The following FCHO1 variants were observed in gnomAD, a reference collection of about 807,000 sequenced individuals.
The protein encoded by FCHO1 is FCH and mu domain containing endocytic adaptor 1.
In FCHO1, 45 loss-of-function variants were observed where a neutral mutation model predicts 114.4. The ratio of observed to expected loss-of-function variants is 0.39; its 90% confidence interval spans 0.31 to 0.50. The LOEUF is 0.50. Among genes scored for constraint, FCHO1 ranks in the 20% least tolerant of loss-of-function variants. The pLI is 0.77. For synonymous variants in FCHO1, 480 were observed against 488.9 expected (o/e 0.98, Z 0.24); for missense variants, 1,042 against 1,209.6 (o/e 0.86, Z 2.06).
At chr19:17,769,627 ACAC>A (rs1568341743) in intron 7 of FCHO1, among the ~76,000 whole-genome samples, 4 of 130,438 alleles carry the variant, frequency 3.1e-5, no homozygotes, top group East Asian at 4.0e-4. Context: ...ACACACACAC[ACAC>A]ACAAAACGGT....
intron 26 of FCHO1, among the ~76,000 whole-genome samples, chr19:17,786,352 C>A (rs1230464118): frequency 7.5e-6 from 1 of 133,282 alleles, no homozygotes; most frequent in Non-Finnish European, 1.7e-5. Context: ...CACAAAAAAA[C>A]ACAAAACAAA....
chr19:17,787,367 C>T (rs942125984), intron 27 of FCHO1, among the ~76,000 whole-genome samples: 1 of 149,366 alleles, frequency 6.7e-6, no homozygotes, highest in Non-Finnish European at 1.5e-5. Context: ...CCTATGATTG[C>T]ACCACTATAC....
chr19:17,787,223 CAAAAAAAAAAAAAA>C (rs61302593), intron 27 of FCHO1, among the ~76,000 whole-genome samples: 2 of 39,826 alleles, frequency 5.0e-5, no homozygotes, highest in Non-Finnish European at 9.6e-5. Flanking sequence ...GACTCTGTCT[CAAAAAAAAAAAAAA>C]AAAAAAAAAA....
At chr19:17,752,850 T>C (rs1299163821) in intron 1 of FCHO1, among the ~76,000 whole-genome samples, 1 of 152,052 alleles carries the variant, frequency 6.6e-6, no homozygotes, top group Non-Finnish European at 1.5e-5. Flanking sequence ...CCATGAGCTG[T>C]GATCATGCCA....
In FCHO1 at chr19:17,776,389, T is replaced by C; in HGVS notation, c.1207+118T>C. ...GGCAGGCTGCTTAACCACACTGACC[T>C]TCAGTCTCCTTTTCTGTAAAATGAG... On this transcript the variant is annotated intron_variant, in intron 17 of 28. Transcript: ENST00000596536. The surrounding 1 kb of genome is among the most constrained non-coding windows in gnomAD (Gnocchi z 4.4). 2 of 1,292,216 alleles carry C rather than the reference T, an allele frequency of 1.5e-6. No individual in the cohort carries two copies. The highest frequency in any genetic ancestry group is 2.3e-6 in the Non-Finnish European group (2 of 888,026). The allele number at this position is 1,292,216 out of a possible 1,614,324, so 80.0% of individuals were successfully genotyped here. A position where few individuals can be genotyped will look rare whatever the true frequency, so the allele number is the denominator to read the frequency against.
rs1409523969 is a variant in FCHO1, at chr19:17,766,753, G to A, written c.279G>A (p.Gln93=). Residue 93 remains glutamine, a synonymous_variant, in exon 7 of 29, where the codon CAG becomes CAA. Transcript: ENST00000596536. ...ACCTGGAACTGACACGGAAGTTACA[G>A]GATCTCATCAAGGACGTTCTCCGCT... ...LCHLELTRKL[Q]DLIKDVLRYG... 3 of 1,614,028 alleles carry A rather than the reference G, an allele frequency of 1.9e-6. No individual in the cohort carries two copies. In the African/African-American group the frequency reaches 4.0e-5, roughly 22 times the overall value.
intron 4 of FCHO1, among the ~76,000 whole-genome samples, chr19:17,759,881 T>C (rs1327739927): frequency 6.6e-6 from 1 of 152,188 alleles, no homozygotes; most frequent in Non-Finnish European, 1.5e-5. Flanking sequence ...TCTATTCATA[T>C]TGTTTATTAT....
chr19:17,763,563 CTT>C (rs71162195), intron 5 of FCHO1, among the ~76,000 whole-genome samples: 41 of 113,528 alleles, frequency 3.6e-4, no homozygotes, highest in Admixed American at 1.9e-3. Context: ...TGCACTCTGC[CTT>C]TTTTTTTTTT....
chr19:17,785,208 A>G (rs2093765213), intron 26 of FCHO1, among the ~76,000 whole-genome samples: 1 of 151,994 alleles, frequency 6.6e-6, no homozygotes, highest in Non-Finnish European at 1.5e-5. Flanking sequence ...TATTTTGTTT[A>G]TTTATTTATT....
At chr19:17,762,609 G>A in intron 4 of FCHO1, 153 bp from the exon 5 acceptor site, 1 of 710,986 alleles carries the variant, frequency 1.4e-6, no homozygotes, top group Non-Finnish European at 2.6e-6. Context: ...AATCCCTATG[G>A]CCCAGGGGAA....
intron 13 of FCHO1, 105 bp downstream of exon 13, chr19:17,774,583 TATTCC>T (rs2147086574): frequency 1.2e-6 from 1 of 868,814 alleles, no homozygotes; most frequent in Admixed American, 2.5e-5. Context: ...GGAGTATCCA[TATTCC>T]AGGCTGGACC....
chr19:17,755,825 A>G (rs2083293469), intron 4 of FCHO1, among the ~76,000 whole-genome samples: 1 of 152,176 alleles, frequency 6.6e-6, no homozygotes, highest in Non-Finnish European at 1.5e-5. Context: ...AGACACCTTC[A>G]GCCCTGCAGG....
At chr19:17,781,678 C>A (rs1030327375) in intron 22 of FCHO1, 34 bp from the exon 23 acceptor site, 2 of 1,556,954 alleles carry the variant, frequency 1.3e-6, no homozygotes, top group East Asian at 4.5e-5. Flanking sequence ...CACTGTCTAT[C>A]CGTTGTTCCC....
rs146725286 is a variant in FCHO1 at position 17,757,330 on chromosome 19, C to G, written c.27+2139C>G. On this transcript the variant is annotated intron_variant, in intron 4 of 28. Transcript: ENST00000596536. ...CCCAGTCCAAGAGAGGCAGACGCTG[C>G]TGGGGGTTTGCCAGGTCTGGGAAAC... Among the ~76,000 whole-genome samples, 811 of 152,238 alleles carry G rather than the reference C, an allele frequency of 5.3e-3. 9 individuals are homozygous for G. Among genetic ancestry groups the G allele is most frequent in the African/African-American group, 0.019 (787 of 41,542 alleles).
At chr19:17,751,458 TC>T (rs35089198), upstream of FCHO1, 69,773 of 150,234 alleles carry the variant, frequency 0.46, 16,839 homozygotes, top group African/African-American at 0.52. The surrounding 1 kb of genome is among the most constrained non-coding windows in gnomAD (Gnocchi z 4.4). Flanking sequence ...GAGCTTCCTG[TC>T]CCCCCCCCAA....
chr19:17,783,060 G>A lies in FCHO1; in HGVS notation c.1981G>A (p.Ala661Thr). 6.2e-7 allele frequency: 1 copy of A among 1,614,140 alleles called. No homozygotes were observed. Among genetic ancestry groups the A allele is most frequent in the Non-Finnish European group, 8.5e-7 (1 of 1,180,016 alleles). ...VTGELTMTFP[A>T]GIVRVFSGTP... ...TGGGGAGCTGACCATGACCTTCCCT[G>A]CTGGCATCGTGCGTGTGTTCAGCGG... Residue 661 changes from alanine (A) to threonine (T), a missense_variant, in exon 24 of 29, where the codon GCT becomes ACT. Coordinates refer to ENST00000596536, the MANE Select transcript of FCHO1 (RefSeq NM_015122.3).
intron 4 of FCHO1, among the ~76,000 whole-genome samples, chr19:17,762,262 G>A (rs2086586725): frequency 6.6e-6 from 1 of 151,586 alleles, no homozygotes; most frequent in Admixed American, 6.6e-5. Flanking sequence ...TTGGGATTAC[G>A]GGCGTGAGCC....
Position 17,778,977 on chromosome 19 carries a change from G to C in FCHO1, c.1627+93G>C, listed in dbSNP as rs7255297. ...GGCAGGGCCTGATCAGGCTGCTGGAGACACAGCCAGGACCAGGCAGGCAGA... is the reference window on the plus strand; with the variant it reads ...GGCAGGGCCTGATCAGGCTGCTGGACACACAGCCAGGACCAGGCAGGCAGA... On this transcript the variant is annotated intron_variant, in intron 20 of 28. Transcript: ENST00000596536. 2.7e-3 allele frequency: 3,511 copies of C among 1,321,894 alleles called. 74 individuals are homozygous for C. The African/African-American group carries it at 0.046, about 17-fold the overall frequency. 81.9% of individuals were successfully genotyped at this position (1,321,894 alleles called of 1,614,324 possible).
At chr19:17,755,307 G>C in intron 4 of FCHO1, 116 bp downstream of exon 4, 1 of 941,894 alleles carries the variant, frequency 1.1e-6, no homozygotes, top group East Asian at 2.5e-5. Flanking sequence ...GGATCTGCAA[G>C]GGATGGAAGT....
Sources: gnomAD v4.1 joint callset for allele counts (sites outside exome capture counted in the v4.1 genomes callset) on GRCh38, gnomAD v4.1.1 for gene constraint, Gnocchi (gnomAD v3.1) non-coding constraint, MANE v1.5 for transcripts, NCBI Gene and HGNC (gene_info 2026-07-23, HGNC 2026-07-21) for gene names.